Variants in PRKG1 observed in about 807,000 individuals in gnomAD.
PRKG1 encodes the protein protein kinase cGMP-dependent 1.
Under a neutral mutation model 88.1 loss-of-function variants are expected in PRKG1, and 35 were observed. That is an observed-to-expected ratio of 0.40 (90% confidence interval 0.30 to 0.53). The LOEUF (loss-of-function observed/expected upper bound fraction) is 0.53, where lower values mean the gene tolerates loss of function less well. Among genes scored for constraint, PRKG1 ranks in the 20% least tolerant of loss-of-function variants. PRKG1 has a pLI of 0.59. For synonymous variants in PRKG1, 303 were observed against 292.5 expected (o/e 1.04, Z -0.37); for missense variants, 540 against 839.8 (o/e 0.64, Z 4.41).
At chr10:51,311,178 G>T in intron 2 of PRKG1, among the ~76,000 whole-genome samples, 1 of 152,146 alleles carries the variant, frequency 6.6e-6, no homozygotes, top group Admixed American at 6.5e-5. Context: ...ACACTAAAAA[G>T]ATCCTCCCTC....
chr10:51,336,520 T>A (rs1271009497), intron 2 of PRKG1, among the ~76,000 whole-genome samples: 1 of 152,190 alleles, frequency 6.6e-6, no homozygotes, highest in Non-Finnish European at 1.5e-5. Flanking sequence ...CACACACTGC[T>A]AATTGATCAT....
At position 51,547,910 on chromosome 10, in the gene PRKG1, T is replaced by C. The variant is rs116460890; in HGVS notation, c.592+80074T>C. ...TGTCACCTCAAAGTTGGTGAATGAA[T>C]TATTGTTCCCCATATTCATGCACAT... is the stretch of plus-strand genomic sequence containing the variant. On this transcript the variant is annotated intron_variant, in intron 3 of 17. Transcript: ENST00000373980. Among the ~76,000 whole-genome samples, 818 of 152,276 alleles carry C rather than the reference T, an allele frequency of 5.4e-3. 8 individuals carry two copies. The highest frequency in any genetic ancestry group is 0.019 in the African/African-American group (782 of 41,572).
At chr10:51,161,459 A>T (rs1846359922) in intron 2 of PRKG1, among the ~76,000 whole-genome samples, 1 of 152,154 alleles carries the variant, frequency 6.6e-6, no homozygotes, top group Non-Finnish European at 1.5e-5. Flanking sequence ...ACTAATGTAC[A>T]GTTCTCCAAT....
chr10:51,905,233 C>A (rs1395138183), intron 4 of PRKG1, among the ~76,000 whole-genome samples: 1 of 152,126 alleles, frequency 6.6e-6, no homozygotes. Context: ...AAATTAAACC[C>A]CACATGGCTC....
chr10:51,880,624 A>C (rs1304009671), intron 4 of PRKG1, among the ~76,000 whole-genome samples: 3 of 152,222 alleles, frequency 2.0e-5, no homozygotes, highest in Non-Finnish European at 4.4e-5. Flanking sequence ...TGGCTGTGTT[A>C]ATCTTTTAAA....
intron 4 of PRKG1, among the ~76,000 whole-genome samples, chr10:51,840,474 C>A (rs1208137901): frequency 6.6e-6 from 1 of 151,880 alleles, no homozygotes; most frequent in Admixed American, 6.6e-5. Flanking sequence ...CAGAATACAA[C>A]TTTTGTTTTG....
At chr10:51,337,961 G>A (rs1379348825) in intron 2 of PRKG1, among the ~76,000 whole-genome samples, 1 of 152,104 alleles carries the variant, frequency 6.6e-6, no homozygotes, top group Non-Finnish European at 1.5e-5. Context: ...TATGTTCATT[G>A]CAGAACTATT....
chr10:52,219,772 A>G (rs1020480998), intron 9 of PRKG1, among the ~76,000 whole-genome samples: 10 of 152,126 alleles, frequency 6.6e-5, no homozygotes, highest in Non-Finnish European at 1.5e-4. Context: ...CCTTTTTGCT[A>G]CCAAACACTG....
chr10:51,115,832 T>G, intron 1 of PRKG1, among the ~76,000 whole-genome samples: 1 of 82,492 alleles, frequency 1.2e-5, no homozygotes, highest in Non-Finnish European at 2.7e-5. Flanking sequence ...TGAGACTCCA[T>G]CTCGAAAAAA....
intron 9 of PRKG1, among the ~76,000 whole-genome samples, chr10:52,212,389 C>A (rs73346917): frequency 0.12 from 17,558 of 152,154 alleles, 1,666 homozygotes; most frequent in East Asian, 0.33. Context: ...AAGGAGGCAG[C>A]TTTAGGCTAA....
At chr10:51,736,605 C>CTTTTT (rs555514944) in intron 3 of PRKG1, among the ~76,000 whole-genome samples, 1 of 137,688 alleles carries the variant, frequency 7.3e-6, no homozygotes, top group African/African-American at 2.7e-5. Context: ...ATCCATCTTA[C>CTTTTT]TTTTTTTTTT....
chr10:52,004,688 A>G (rs995776842), intron 5 of PRKG1, among the ~76,000 whole-genome samples: 1 of 152,174 alleles, frequency 6.6e-6, no homozygotes, highest in East Asian at 1.9e-4. Context: ...TGGAAGTGGT[A>G]GGGGGGAAAC....
intron 3 of PRKG1, among the ~76,000 whole-genome samples, chr10:51,568,125 A>C (rs1326172858): frequency 1.3e-5 from 2 of 152,044 alleles, no homozygotes; most frequent in Admixed American, 6.6e-5. Context: ...AAAATGCTTC[A>C]CTAGAGTTGC....
intron 2 of PRKG1, among the ~76,000 whole-genome samples, chr10:51,204,367 CGT>C (rs34624885): frequency 0.57 from 82,942 of 145,562 alleles, 23,675 homozygotes; most frequent in African/African-American, 0.73. Flanking sequence ...AGTAGACCTC[CGT>C]GTGTGTGTGT....
At chr10:52,175,378 C>A (rs1474230939) in intron 9 of PRKG1, among the ~76,000 whole-genome samples, 1 of 151,968 alleles carries the variant, frequency 6.6e-6, no homozygotes, top group Non-Finnish European at 1.5e-5. Context: ...TATATCCATT[C>A]ATCTGTTTTT....
At chr10:51,553,904 A>T (rs1837215259) in intron 3 of PRKG1, among the ~76,000 whole-genome samples, 1 of 130,094 alleles carries the variant, frequency 7.7e-6, no homozygotes, top group African/African-American at 3.0e-5. Flanking sequence ...ATATGTATGT[A>T]TTAGATACGT....
At chr10:51,877,551 A>G (rs1436550121) in intron 4 of PRKG1, among the ~76,000 whole-genome samples, 1 of 152,214 alleles carries the variant, frequency 6.6e-6, no homozygotes, top group African/African-American at 2.4e-5. Flanking sequence ...CATGCTTCCA[A>G]GTAAAATATG....
chr10:51,686,564 C>T (rs912072450), intron 3 of PRKG1, among the ~76,000 whole-genome samples: 8 of 152,144 alleles, frequency 5.3e-5, no homozygotes, highest in Admixed American at 3.3e-4. Context: ...ACAATGAAAT[C>T]CCCACCAATC....
At chr10:51,698,512 A>G in intron 3 of PRKG1, 5 of 1,614,128 alleles carry the variant, frequency 3.1e-6, no homozygotes, top group Non-Finnish European at 4.2e-6. Context: ...CCACTTCTCC[A>G]GTGACTGAAA....
Sources: allele counts gnomAD v4.1 joint callset (sites outside exome capture counted in the v4.1 genomes callset), GRCh38; gene constraint gnomAD v4.1.1; transcripts MANE v1.5; gene names NCBI Gene and HGNC (gene_info 2026-07-23, HGNC 2026-07-21).